SH2D4A: variants seen among roughly 807,000 people sequenced by gnomAD.
SH2D4A encodes SH2 domain-containing protein 4A.
A neutral mutation model predicts 64.7 loss-of-function variants in SH2D4A; 70 were observed. The observed-to-expected ratio is 1.08, with a 90% CI of 0.89 to 1.32. SH2D4A has a LOEUF of 1.32. Ranked by LOEUF, SH2D4A falls within the 40% of genes most tolerant of loss-of-function variation. The pLI is 0.00. For synonymous variants in SH2D4A, 268 were observed against 200.7 expected (o/e 1.34, Z -2.83); for missense variants, 706 against 540.1 (o/e 1.31, Z -3.04).
intron 8 of SH2D4A, among the ~76,000 whole-genome samples, chr8:19,383,219 T>C (rs908060731): frequency 6.6e-6 from 1 of 152,124 alleles, no homozygotes; most frequent in Non-Finnish European, 1.5e-5. Flanking sequence ...GTAGGTCTGG[T>C]AGGCTGTGTT....
intron 5 of SH2D4A, 55 bp downstream of exon 5, chr8:19,357,338 A>G (rs1458322319): frequency 1.7e-6 from 2 of 1,210,420 alleles, no homozygotes; most frequent in Non-Finnish European, 1.2e-6. Context: ...ATTTCCACTA[A>G]TGTTTCACAG....
chr8:19,318,479 A>T (rs2052128059), intron 1 of SH2D4A, among the ~76,000 whole-genome samples: 1 of 152,224 alleles, frequency 6.6e-6, no homozygotes, highest in African/African-American at 2.4e-5. Flanking sequence ...TTCCAACCAC[A>T]GGAGAACTTC....
At chr8:19,380,044 TTC>T (rs919451302) in intron 8 of SH2D4A, among the ~76,000 whole-genome samples, 3 of 152,134 alleles carry the variant, frequency 2.0e-5, no homozygotes, top group Non-Finnish European at 4.4e-5. Flanking sequence ...TATCCTTTTT[TTC>T]TCTCTCTCTT....
intron 7 of SH2D4A, 120 bp downstream of exon 7, chr8:19,364,402 T>C: frequency 4.7e-6 from 5 of 1,074,530 alleles, no homozygotes; most frequent in Non-Finnish European, 5.4e-6. Context: ...TGGCAGCCTG[T>C]GTAAGTAGCT....
chr8:19,344,357 A>C (rs1163864749), intron 4 of SH2D4A, among the ~76,000 whole-genome samples: 1 of 152,162 alleles, frequency 6.6e-6, no homozygotes. Context: ...GCTGGGCATC[A>C]ACCAGGGGCC....
chr8:19,322,124 G>A (rs2052200964), intron 2 of SH2D4A, among the ~76,000 whole-genome samples: 1 of 152,112 alleles, frequency 6.6e-6, no homozygotes, highest in Non-Finnish European at 1.5e-5. Context: ...TACAGAAAGG[G>A]AAAAAGTTAC....
intron 4 of SH2D4A, among the ~76,000 whole-genome samples, chr8:19,343,300 G>A (rs924502467): frequency 6.6e-6 from 1 of 152,118 alleles, no homozygotes; most frequent in Non-Finnish European, 1.5e-5. Flanking sequence ...GGACATGCTG[G>A]TGCACACCTG....
intron 2 of SH2D4A, among the ~76,000 whole-genome samples, chr8:19,328,553 G>A (rs1003175678): frequency 6.6e-6 from 1 of 152,042 alleles, no homozygotes; most frequent in African/African-American, 2.4e-5. Flanking sequence ...GGACCTGACT[G>A]CCTCACTCCT....
chr8:19,363,503 C>CT (rs1159863800), intron 6 of SH2D4A, among the ~76,000 whole-genome samples: 1 of 152,112 alleles, frequency 6.6e-6, no homozygotes, highest in African/African-American at 2.4e-5. Context: ...ACTTGGGGTA[C>CT]TTTTTTGTGT....
chr8:19,381,606 G>T (rs916547966), intron 8 of SH2D4A, among the ~76,000 whole-genome samples: 4 of 152,132 alleles, frequency 2.6e-5, no homozygotes, highest in Non-Finnish European at 5.9e-5. Context: ...TCTGACAACA[G>T]AGATAATTTA....
rs555415983 is a variant in SH2D4A at position 19,332,192 on chromosome 8, A to G, written c.182-763A>G. On this transcript the variant is annotated intron_variant, in intron 2 of 9. Coordinates refer to ENST00000265807, the MANE Select transcript of SH2D4A (RefSeq NM_022071.4). ...TATGAAGCCTGTGAATGTAGTACAA[A>G]TGCCACACCCTTGAGCAGCTGTGGA... Among the ~76,000 whole-genome samples, 6 of 152,310 alleles carry G rather than the reference A, an allele frequency of 3.9e-5. No individual in the cohort carries two copies. In the South Asian group the frequency reaches 1.2e-3, roughly 32 times the overall value.
At chr8:19,328,967 G>A (rs2052327666) in intron 2 of SH2D4A, among the ~76,000 whole-genome samples, 1 of 152,178 alleles carries the variant, frequency 6.6e-6, no homozygotes, top group Non-Finnish European at 1.5e-5. Context: ...TTAGCCAGGT[G>A]TGTGGGACCC....
rs2052146410 is a variant in SH2D4A, at chr8:19,319,429, T to C, written c.-119T>C. 6.0e-6 allele frequency: 8 copies of C among 1,326,216 alleles called. No individual in the cohort carries two copies. The highest frequency in any genetic ancestry group is 7.4e-5 in the Admixed American group (2 of 27,078). The allele number at this position is 1,326,216 out of a possible 1,614,324, so 82.2% of individuals were successfully genotyped here. A position where few individuals can be genotyped will look rare whatever the true frequency, so the allele number is the denominator to read the frequency against. On this transcript the variant is annotated 5_prime_UTR_variant, in exon 2 of 10. Coordinates refer to ENST00000265807, the MANE Select transcript of SH2D4A (RefSeq NM_022071.4). ...GAATTATTGTCCCAGTCAGCCAGGA[T>C]TGTGAGCTGTTTGGGAAGTTTCGTG...
At chr8:19,322,037 A>T (rs575087331) in intron 2 of SH2D4A, among the ~76,000 whole-genome samples, 1 of 152,306 alleles carries the variant, frequency 6.6e-6, no homozygotes, top group South Asian at 2.1e-4. Flanking sequence ...TCAATATCTC[A>T]CGTCAAAAGT....
chr8:19,355,816 G>A (rs542742358), intron 4 of SH2D4A, among the ~76,000 whole-genome samples: 2 of 152,290 alleles, frequency 1.3e-5, no homozygotes, highest in African/African-American at 4.8e-5. Context: ...CACCACCTAT[G>A]ATTAATTATA....
chr8:19,328,868 G>T lies in SH2D4A; in HGVS notation c.182-4087G>T, dbSNP rs2052326101. ...GGCTTGGAGACATAAATTGATGTAT[G>T]CATGGTCTCATAACTTGTCAGGGGT... On this transcript the variant is annotated intron_variant, in intron 2 of 9. Coordinates refer to ENST00000265807, the MANE Select transcript of SH2D4A (RefSeq NM_022071.4). Among the ~76,000 whole-genome samples the T allele has an allele frequency of 2.0e-5, 3 of 152,328 alleles. No individual in the cohort carries two copies. In the South Asian group the frequency reaches 6.2e-4, roughly 32 times the overall value.
At chr8:19,364,332 G>C in intron 7 of SH2D4A, 50 bp downstream of exon 7, 2 of 1,593,622 alleles carry the variant, frequency 1.3e-6, no homozygotes, top group East Asian at 2.3e-5. Context: ...AATGGGCTTT[G>C]AATAAGCGTT....
intron 8 of SH2D4A, among the ~76,000 whole-genome samples, chr8:19,384,992 T>G (rs2053360448): frequency 6.6e-6 from 1 of 152,206 alleles, no homozygotes; most frequent in Non-Finnish European, 1.5e-5. Context: ...CCTCTGAAAT[T>G]TAATGAACAC....
intron 2 of SH2D4A, among the ~76,000 whole-genome samples, chr8:19,331,757 C>CT (rs1471914182): frequency 6.6e-6 from 1 of 152,186 alleles, no homozygotes; most frequent in Non-Finnish European, 1.5e-5. Context: ...GGTAGCCTGC[C>CT]TGCCCACAGC....
Sources: allele counts gnomAD v4.1 joint callset (sites outside exome capture counted in the v4.1 genomes callset), GRCh38; gene constraint gnomAD v4.1.1; transcripts MANE v1.5; gene names NCBI Gene and HGNC (gene_info 2026-07-23, HGNC 2026-07-21).